Variants in RSPO1 observed in about 807,000 individuals in gnomAD.
RSPO1 encodes the protein R-spondin 1, also known as R-spondin-1.
RSPO1 carries 18 observed loss-of-function variants against 26.0 expected under a neutral mutation model. That is an observed-to-expected ratio of 0.69 (90% CI 0.48 to 1.03). The LOEUF is 1.03. Among genes scored for constraint, RSPO1 ranks in the 50% least tolerant of loss-of-function variants. The pLI, the probability that RSPO1 is intolerant of heterozygous loss-of-function variation, is 0.00. For missense variants in RSPO1, 309 were observed against 352.3 expected (o/e 0.88, Z 0.98); for synonymous variants, 133 against 137.4 (o/e 0.97, Z 0.22).
At chr1:37,622,496 G>A (rs1296249071) in intron 3 of RSPO1, among the ~76,000 whole-genome samples, 1 of 152,062 alleles carries the variant, frequency 6.6e-6, no homozygotes, top group Non-Finnish European at 1.5e-5. Context: ...GGATGACAGG[G>A]CAAGACCCTG....
At chr1:37,630,987 G>A (rs971489237) in intron 2 of RSPO1, among the ~76,000 whole-genome samples, 25 of 151,572 alleles carry the variant, frequency 1.6e-4, no homozygotes, top group Non-Finnish European at 7.4e-5. Flanking sequence ...TATAAAATGG[G>A]GACAAGCATG....
At position 37,613,005 on chromosome 1, in the gene RSPO1, G is replaced by A; in HGVS notation, c.626-84C>T. 1 of 1,509,286 alleles carries A rather than the reference G, an allele frequency of 6.6e-7. No homozygotes were observed. Among genetic ancestry groups the A allele is most frequent in the Non-Finnish European group, 9.1e-7 (1 of 1,094,528 alleles). The allele number at this position is 1,509,286 out of a possible 1,614,324, so 93.5% of individuals were successfully genotyped here. ...TGGCCACAGGCCCTAGGAGGGGAGTGTGAGGAAGCCGGAAGGGGAGGCAGG... is the reference window on the plus strand; with the variant it reads ...TGGCCACAGGCCCTAGGAGGGGAGTATGAGGAAGCCGGAAGGGGAGGCAGG... On this transcript the variant is annotated intron_variant, in intron 6 of 6. Transcript: ENST00000356545. This position sits in a 1 kb window ranked among gnomAD's most constrained non-coding sequence, Gnocchi z 4.5.
chr1:37,615,897 G>C (rs1187600036), intron 4 of RSPO1, among the ~76,000 whole-genome samples: 1 of 152,214 alleles, frequency 6.6e-6, no homozygotes, highest in African/African-American at 2.4e-5. Context: ...TTTTTAAGCA[G>C]AAGTGTGATG....
intron 3 of RSPO1, among the ~76,000 whole-genome samples, chr1:37,627,372 C>G (rs1644293253): frequency 6.6e-6 from 1 of 152,150 alleles, no homozygotes; most frequent in Admixed American, 6.5e-5. Flanking sequence ...AGAGTCTACA[C>G]AGAACTTGAT....
At chr1:37,623,147 G>A (rs1644227426) in intron 3 of RSPO1, among the ~76,000 whole-genome samples, 1 of 150,980 alleles carries the variant, frequency 6.6e-6, no homozygotes. Flanking sequence ...TGACAGGCAG[G>A]GTCAGTTCAA....
At position 37,629,690 on chromosome 1, in the gene RSPO1, C is replaced by T. The variant is rs778263741; in HGVS notation, c.-29G>A. On this transcript the variant is annotated 5_prime_UTR_variant, in exon 3 of 7. Transcript: ENST00000356545. ...CACGCGCCAGCTCCAGGCCCCTGGT[C>T]GGAGGGGTGGTCTCGGGGAGGGTGG... 3.5e-5 allele frequency: 56 copies of T among 1,613,148 alleles called. No homozygotes were observed. The highest frequency in any genetic ancestry group is 7.7e-5 in the South Asian group (7 of 90,892).
chr1:37,617,376 A>C (rs979352221), intron 3 of RSPO1, among the ~76,000 whole-genome samples: 13 of 152,142 alleles, frequency 8.5e-5, no homozygotes, highest in African/African-American at 2.9e-4. Context: ...CCATCCTTTG[A>C]AGTCGGGCGC....
intron 1 of RSPO1, among the ~76,000 whole-genome samples, chr1:37,633,251 G>T (rs1035114985): frequency 1.3e-5 from 2 of 152,272 alleles, no homozygotes; most frequent in African/African-American, 4.8e-5. Context: ...CCAGGACTGG[G>T]TGTGGGGAGG....
Position 37,612,502 on chromosome 1 carries a change from G to GTT in RSPO1, c.*252_*253insAA. Reference sequence around the variant, plus strand: ...GAAGTGTCTTCTGGTGGCCTCAGGTGTGTGTGTGTGTGTGTGTGTATGTGT... The same window carrying GTT: ...GAAGTGTCTTCTGGTGGCCTCAGGTGTTTGTGTGTGTGTGTGTGTGTATGTGT... On this transcript the variant is annotated 3_prime_UTR_variant, in exon 7 of 7. Coordinates refer to ENST00000356545, the MANE Select transcript of RSPO1 (RefSeq NM_001242908.2). The GTT allele has an allele frequency of 1.8e-6, 1 of 557,926 alleles. No individual in the cohort carries two copies. Among genetic ancestry groups the GTT allele is most frequent in the Admixed American group, 3.0e-5 (1 of 33,694 alleles). The allele number at this position is 557,926 out of a possible 1,614,324, so 34.6% of individuals were successfully genotyped here.
At chr1:37,627,484 T>C (rs1644295069) in intron 3 of RSPO1, among the ~76,000 whole-genome samples, 2 of 152,074 alleles carry the variant, frequency 1.3e-5, no homozygotes, top group South Asian at 4.1e-4. Flanking sequence ...ACTTTGTCTC[T>C]ACTAAAAATA....
intron 1 of RSPO1, 105 bp from the exon 2 acceptor site, chr1:37,632,458 G>C (rs1047534140): frequency 6.6e-6 from 1 of 152,000 alleles, no homozygotes; most frequent in Admixed American, 6.6e-5. Flanking sequence ...TTTTGAAAAT[G>C]TACATATAGA....
chr1:37,633,174 G>A (rs1235707363), intron 1 of RSPO1, among the ~76,000 whole-genome samples: 1 of 152,254 alleles, frequency 6.6e-6, no homozygotes, highest in African/African-American at 2.4e-5. Context: ...GAAGAGACCT[G>A]GCCCTGAATG....
intron 2 of RSPO1, 132 bp downstream of exon 2, chr1:37,632,155 A>G (rs1055077400): frequency 1.3e-5 from 2 of 152,200 alleles, no homozygotes; most frequent in Non-Finnish European, 2.9e-5. Flanking sequence ...CCAACCTGTC[A>G]TGGTGCCTGG....
intron 3 of RSPO1, among the ~76,000 whole-genome samples, chr1:37,629,232 A>G (rs1644321768): frequency 6.6e-6 from 1 of 152,224 alleles, no homozygotes; most frequent in South Asian, 2.1e-4. Flanking sequence ...CATGGATACC[A>G]CACAAAGCTG....
At chr1:37,624,370 C>T (rs557451066) in intron 3 of RSPO1, among the ~76,000 whole-genome samples, 1 of 152,244 alleles carries the variant, frequency 6.6e-6, no homozygotes, top group African/African-American at 2.4e-5. Context: ...CTGAGGAGGC[C>T]GGGTGGACTC....
intron 2 of RSPO1, 75 bp downstream of exon 2, chr1:37,632,212 T>G (rs1043143862): frequency 2.0e-4 from 30 of 152,248 alleles, no homozygotes; most frequent in African/African-American, 6.0e-4. Flanking sequence ...TTCTTTTTCC[T>G]CCCTCTCCTC....
intron 3 of RSPO1, among the ~76,000 whole-genome samples, chr1:37,617,456 T>G (rs915701387): frequency 6.6e-6 from 1 of 151,866 alleles, no homozygotes; most frequent in Non-Finnish European, 1.5e-5. Flanking sequence ...GTCAGGAGTT[T>G]GAGACCAGCC....
At chr1:37,620,886 A>C (rs867247439) in intron 3 of RSPO1, among the ~76,000 whole-genome samples, 1 of 152,108 alleles carries the variant, frequency 6.6e-6, no homozygotes, top group Non-Finnish European at 1.5e-5. Flanking sequence ...GATTTAATTC[A>C]TTGTTGACAT....
At chr1:37,619,890 G>A (rs1254791255) in intron 3 of RSPO1, among the ~76,000 whole-genome samples, 2 of 152,090 alleles carry the variant, frequency 1.3e-5, no homozygotes, top group African/African-American at 4.8e-5. Context: ...TGGGATTACA[G>A]GCACCTGCCA....
Sources: allele counts gnomAD v4.1 joint callset (sites outside exome capture counted in the v4.1 genomes callset), GRCh38; gene constraint gnomAD v4.1.1; non-coding constraint Gnocchi (gnomAD v3.1); transcripts MANE v1.5; gene names NCBI Gene and HGNC (gene_info 2026-07-23, HGNC 2026-07-21).